The following REV3L variants were observed in gnomAD, a reference collection of about 807,000 sequenced individuals.
REV3L encodes the protein DNA polymerase zeta catalytic subunit.
REV3L carries 69 observed loss-of-function variants against 299.4 expected under a neutral mutation model. The observed-to-expected ratio is 0.23, with a 90% CI of 0.19 to 0.28. REV3L has a LOEUF of 0.28. REV3L is among the 10% of genes least tolerant of loss of function. REV3L has a pLI of 1.00. For synonymous variants in REV3L, 1,238 were observed against 1,271.4 expected (o/e 0.97, Z 0.56); for missense variants, 3,128 against 3,693.8 (o/e 0.85, Z 3.97).
At chr6:111,381,274 C>G in intron 10 of REV3L, 51 bp downstream of exon 10, 1 of 1,591,166 alleles carries the variant, frequency 6.3e-7, no homozygotes, top group Non-Finnish European at 8.5e-7. Flanking sequence ...TCACAACACA[C>G]ATTTTCTCTG....
At chr6:111,396,871 A>G (rs921987549) in intron 4 of REV3L, among the ~76,000 whole-genome samples, 1 of 152,090 alleles carries the variant, frequency 6.6e-6, no homozygotes, top group African/African-American at 2.4e-5. Context: ...GTATGCTGTA[A>G]TGCGTCCAAA....
chr6:111,335,373 C>A, intron 22 of REV3L, 96 bp downstream of exon 22: 4 of 1,354,430 alleles, frequency 3.0e-6, no homozygotes, highest in African/African-American at 1.5e-5. Context: ...TAGTTGGTAC[C>A]AAACAGAAAG....
At chr6:111,334,213 C>G (rs1440894780) in intron 22 of REV3L, among the ~76,000 whole-genome samples, 1 of 152,212 alleles carries the variant, frequency 6.6e-6, no homozygotes, top group African/African-American at 2.4e-5. Context: ...GCTGGGATTA[C>G]AGGTGTGAGC....
At position 111,387,825 on chromosome 6, in the gene REV3L, T is replaced by C. The variant is rs751115031; in HGVS notation, c.1036A>G (p.Met346Val). 5.0e-6 allele frequency: 8 copies of C among 1,613,954 alleles called. No homozygotes were observed. In the South Asian group the frequency reaches 5.5e-5, roughly 11 times the overall value. Residue 346 changes from methionine (M) to valine (V), a missense_variant, in exon 9 of 32, where the codon ATG becomes GTG. Transcript: ENST00000368802. ...ATATTGGCTGGTGTACACTGAAGCATTTCAGGAGACAGAACCTCAGAGTGC... is the reference window on the plus strand; with the variant it reads ...ATATTGGCTGGTGTACACTGAAGCACTTCAGGAGACAGAACCTCAGAGTGC... ...TLHSEVLSPE[M>V]LQCTPANMVE...
chr6:111,315,529 G>T, intron 26 of REV3L, 148 bp from the exon 27 acceptor site: 1 of 607,152 alleles, frequency 1.6e-6, no homozygotes, highest in Non-Finnish European at 2.9e-6. Flanking sequence ...TTCTATGTAA[G>T]CTCTCCTGTT....
Position 111,377,628 on chromosome 6 carries a change from C to T in REV3L, c.1597+73G>A, listed in dbSNP as rs143598985. 558 of 1,442,618 alleles carry T rather than the reference C, an allele frequency of 3.9e-4. 3 individuals are homozygous for T. The African/African-American group carries it at 6.7e-3, about 17-fold the overall frequency. The allele number at this position is 1,442,618 out of a possible 1,614,324, so 89.4% of individuals were successfully genotyped here. A position where few individuals can be genotyped will look rare whatever the true frequency, so the allele number is the denominator to read the frequency against. On this transcript the variant is annotated intron_variant, in intron 12 of 31. Transcript: ENST00000368802. ...CTGGGATTACAGGTGTGAGCCAGAG[C>T]GCCTAGCCTCAAAATCAAATACATT...
At chr6:111,305,655 G>A (rs1004605239) in intron 31 of REV3L, among the ~76,000 whole-genome samples, 1 of 151,922 alleles carries the variant, frequency 6.6e-6, no homozygotes, top group African/African-American at 2.4e-5. Flanking sequence ...GTTGAAGGAG[G>A]ATGGGCTCTG....
At chr6:111,357,881 T>G (rs1778259593) in intron 17 of REV3L, among the ~76,000 whole-genome samples, 1 of 152,140 alleles carries the variant, frequency 6.6e-6, no homozygotes, top group Non-Finnish European at 1.5e-5. Context: ...GCCTATTTCA[T>G]GATGTAAGGA....
Position 111,483,043 on chromosome 6 carries a change from G to A in REV3L, c.-155C>T, listed in dbSNP as rs1017367948. The A allele has an allele frequency of 4.6e-5, 43 of 927,328 alleles. No homozygotes were observed. The highest frequency in any genetic ancestry group is 5.6e-5 in the Non-Finnish European group (38 of 679,446). 57.4% of individuals were successfully genotyped at this position (927,328 alleles called of 1,614,324 possible). ...AGGCACCTCGAGGAGCGGCGGGCGG[G>A]GCGGTGTAGGCGCTGCTGCCGCCGC... On this transcript the variant is annotated 5_prime_UTR_variant, in exon 1 of 32. Coordinates refer to ENST00000368802, the MANE Select transcript of REV3L (RefSeq NM_001372078.1).
rs547542302 is a variant in REV3L at position 111,403,683 on chromosome 6, T to C, written c.565+1787A>G. 6.6e-5 allele frequency among the ~76,000 whole-genome samples: 10 copies of C among 152,310 alleles called. No individual in the cohort carries two copies. The East Asian group carries it at 1.7e-3, about 26-fold the overall frequency. On this transcript the variant is annotated intron_variant, in intron 4 of 31. Coordinates refer to ENST00000368802, the MANE Select transcript of REV3L (RefSeq NM_001372078.1). ...TCCTATTCCCTGAGACACTACGATATTGAAATTAGGCAAATTAGTAACCCT... is the reference window on the plus strand; with the variant it reads ...TCCTATTCCCTGAGACACTACGATACTGAAATTAGGCAAATTAGTAACCCT...
chr6:111,381,339 T>G lies in REV3L; in HGVS notation c.1202A>C (p.Glu401Ala), dbSNP rs778672508. 8 of 1,613,472 alleles carry G rather than the reference T, an allele frequency of 5.0e-6. No homozygotes were observed. Among genetic ancestry groups the G allele is most frequent in the Non-Finnish European group, 5.9e-6 (7 of 1,179,804 alleles). The change falls in exon 10 of 32, where the codon GAG (glutamate) becomes GCG (alanine). Residue 401 changes from glutamate to alanine, a missense_variant. Around this residue, in one of 9 missense-constraint regions of REV3L, gnomAD observed 2,409 missense variants for 2,611.8 expected, o/e 0.92. Coordinates refer to ENST00000368802, the MANE Select transcript of REV3L (RefSeq NM_001372078.1). ...CTGTTACTTACTGAAAACAGGTGACTCACTCAGTCTTTGGGTCAAAGGCTG... is the reference window on the plus strand; with the variant it reads ...CTGTTACTTACTGAAAACAGGTGACGCACTCAGTCTTTGGGTCAAAGGCTG... ...TFQPLTQRLS[E>A]SPVFMDSSPD...
At chr6:111,480,607 A>G (rs922780586) in intron 1 of REV3L, among the ~76,000 whole-genome samples, 1 of 152,106 alleles carries the variant, frequency 6.6e-6, no homozygotes, top group East Asian at 1.9e-4. Flanking sequence ...AATGACTTCA[A>G]ATTTTTTCTT....
In REV3L at chr6:111,409,709, C is replaced by G. The variant is rs1432303592; in HGVS notation, c.404+1771G>C. ...TAACTAGAAAAAAGTAGACATACAG[C>G]ACGCAGGGAAGGGTCTGGGTGAAGT... On this transcript the variant is annotated intron_variant, in intron 3 of 31. Transcript: ENST00000368802. Among the ~76,000 whole-genome samples the G allele has an allele frequency of 8.5e-4, 130 of 152,204 alleles. 3 individuals are homozygous for G. Among genetic ancestry groups the G allele is most frequent in the Non-Finnish European group, 1.5e-5 (1 of 68,008 alleles).
At chr6:111,482,330 G>A (rs959544580) in intron 1 of REV3L, among the ~76,000 whole-genome samples, 15 of 152,174 alleles carry the variant, frequency 9.9e-5, no homozygotes, top group African/African-American at 2.9e-4. Flanking sequence ...CGGCACTTGG[G>A]GGACACAAGG....
chr6:111,366,857 C>G (rs1453293538), intron 14 of REV3L, among the ~76,000 whole-genome samples: 1 of 152,134 alleles, frequency 6.6e-6, no homozygotes, highest in Non-Finnish European at 1.5e-5. Flanking sequence ...TAAAAGCCAA[C>G]AGGAAAGTCA....
intron 25 of REV3L, among the ~76,000 whole-genome samples, chr6:111,325,013 C>T (rs1774612827): frequency 6.6e-6 from 1 of 151,894 alleles, no homozygotes. Flanking sequence ...AGGCACCCGC[C>T]ACTACGCCCG....
chr6:111,358,313 G>C (rs952899344), intron 17 of REV3L, among the ~76,000 whole-genome samples: 1 of 152,040 alleles, frequency 6.6e-6, no homozygotes, highest in Non-Finnish European at 1.5e-5. Flanking sequence ...GCATACATAA[G>C]GAAGACTGTG....
chr6:111,480,815 T>C (rs1435241875), intron 1 of REV3L, among the ~76,000 whole-genome samples: 1 of 150,276 alleles, frequency 6.7e-6, no homozygotes, highest in Non-Finnish European at 1.5e-5. Flanking sequence ...TGGGGGTTTT[T>C]AGTCTTTGGT....
intron 25 of REV3L, among the ~76,000 whole-genome samples, chr6:111,325,163 A>C (rs756850187): frequency 2.6e-5 from 4 of 152,214 alleles, no homozygotes; most frequent in Non-Finnish European, 5.9e-5. Context: ...ACCTGGCCTC[A>C]AAAGTCTTAA....
Sources: gnomAD v4.1 joint callset for allele counts (sites outside exome capture counted in the v4.1 genomes callset) on GRCh38, gnomAD v4.1.1 for gene constraint, gnomAD v4.1.1 regional missense constraint, MANE v1.5 for transcripts, NCBI Gene and HGNC (gene_info 2026-07-23, HGNC 2026-07-21) for gene names.